The following TRIM14 variants were observed in gnomAD, a reference collection of about 807,000 sequenced individuals.
The protein encoded by TRIM14 is tripartite motif-containing protein 14.
A neutral mutation model predicts 44.5 loss-of-function variants in TRIM14; 28 were observed. The ratio of observed to expected loss-of-function variants is 0.63; its 90% CI spans 0.47 to 0.86. The LOEUF (loss-of-function observed/expected upper bound fraction) is 0.86. Among genes scored for constraint, TRIM14 ranks in the 40% least tolerant of loss-of-function variants. The pLI, the probability that TRIM14 is intolerant of heterozygous loss-of-function variation, is 0.00. For missense variants in TRIM14, 607 were observed against 611.1 expected, an observed-to-expected ratio of 0.99 and a Z score of 0.07; for synonymous variants, 299 against 269.2, an observed-to-expected ratio of 1.11 and a Z score of -1.08.
intron 6 of TRIM14, chr9:98,076,174 A>G (rs1025129479): frequency 1.3e-5 from 2 of 151,978 alleles, no homozygotes; most frequent in East Asian, 3.9e-4. Context: ...AAAATGCTCC[A>G]TTTTCCCCCT....
At chr9:98,043,727 A>G in the TRIM14 span, among the ~76,000 whole-genome samples, 2 of 147,682 alleles carry the variant, frequency 1.4e-5, no homozygotes, top group Non-Finnish European at 1.5e-5. Flanking sequence ...CTGGCTTGCA[A>G]AAAAAAAAAA....
downstream of TRIM14, among the ~76,000 whole-genome samples, chr9:98,080,356 G>A (rs759304025): frequency 5.3e-5 from 8 of 152,078 alleles, no homozygotes; most frequent in African/African-American, 1.2e-4. Flanking sequence ...TATAGATAAC[G>A]GATTAATTAT....
intron 1 of TRIM14, among the ~76,000 whole-genome samples, chr9:98,112,374 T>C (rs1025518307): frequency 5.3e-5 from 8 of 152,174 alleles, no homozygotes; most frequent in African/African-American, 1.7e-4. Flanking sequence ...GGGAAGTAAA[T>C]TTTTGTCCTA....
intron 4 of TRIM14, 47 bp from the exon 5 acceptor site, chr9:98,092,048 G>T: frequency 1.4e-6 from 2 of 1,435,442 alleles, no homozygotes; most frequent in Non-Finnish European, 1.9e-6. Context: ...TATGCAAGCA[G>T]ACAAATAAGA....
At chr9:98,036,428 G>A in the TRIM14 span, among the ~76,000 whole-genome samples, 1 of 148,778 alleles carries the variant, frequency 6.7e-6, no homozygotes, top group African/African-American at 2.5e-5. Flanking sequence ...AGGAATCTGG[G>A]AGGCAGAGGT....
intron 1 of TRIM14, among the ~76,000 whole-genome samples, chr9:98,114,456 C>G (rs7860577): frequency 0.089 from 13,521 of 152,086 alleles, 1,793 homozygotes; most frequent in African/African-American, 0.29. Flanking sequence ...GCCTCAGCCT[C>G]CCAAGTAGCT....
At chr9:98,111,358 A>C (rs1389835240) in intron 1 of TRIM14, among the ~76,000 whole-genome samples, 1 of 152,074 alleles carries the variant, frequency 6.6e-6, no homozygotes, top group Non-Finnish European at 1.5e-5. Flanking sequence ...GGATCACTTA[A>C]GGCCAGGAGT....
chr9:98,065,974 TC>T (rs1234729130), downstream of TRIM14, among the ~76,000 whole-genome samples: 1 of 152,126 alleles, frequency 6.6e-6, no homozygotes, highest in Non-Finnish European at 1.5e-5. Context: ...CTTACAGCCT[TC>T]CCCAGAGTAA....
intron 5 of TRIM14, among the ~76,000 whole-genome samples, chr9:98,090,502 A>G (rs1825953738): frequency 6.7e-6 from 1 of 149,292 alleles, no homozygotes; most frequent in Non-Finnish European, 1.5e-5. Context: ...GTTACAAAAT[A>G]TGTTTCCTTT....
chr9:98,044,599 C>G, the TRIM14 span, among the ~76,000 whole-genome samples: 5 of 152,066 alleles, frequency 3.3e-5, no homozygotes, highest in East Asian at 9.7e-4. Flanking sequence ...GTCTTGATCT[C>G]CTGACCTCGT....
rs1439568753 is a variant in TRIM14, at chr9:98,087,716, G to A, written c.1083C>T (p.Ser361=). The A allele has an allele frequency of 6.3e-7, 1 of 1,594,516 alleles. No homozygotes were observed. The highest frequency in any genetic ancestry group is 1.3e-5 in the African/African-American group (1 of 74,532). Residue 361 remains serine, a synonymous_variant, in exon 6 of 6, where the codon TCC becomes TCT. Coordinates refer to ENST00000341469, the MANE Select transcript of TRIM14 (RefSeq NM_014788.4). ...AAARLGCNRQ[S]WCLKRYDLEY... is the part of the protein sequence containing the mutation. ...CAAGGTCGTAGCGCTTGAGGCACCA[G>A]GACTGGCGGTTGCAGCCCAGGCGGG... is the stretch of plus-strand genomic sequence containing the variant.
downstream of TRIM14, among the ~76,000 whole-genome samples, chr9:98,083,601 T>C (rs1026427409): frequency 6.6e-6 from 1 of 152,250 alleles, no homozygotes; most frequent in Non-Finnish European, 1.5e-5. Context: ...TGGCATGTGT[T>C]CCTTCTCTGA....
chr9:98,094,764 G>T, intron 4 of TRIM14, 103 bp downstream of exon 4: 2 of 1,401,518 alleles, frequency 1.4e-6, no homozygotes, highest in Non-Finnish European at 2.0e-6. Context: ...AAGGGCCTCA[G>T]TGTGGGAGAG....
At chr9:98,047,137 G>A in the TRIM14 span, among the ~76,000 whole-genome samples, 2 of 152,104 alleles carry the variant, frequency 1.3e-5, no homozygotes, top group African/African-American at 4.8e-5. Flanking sequence ...CATGGTGGCG[G>A]TTTCCCCCAT....
At chr9:98,076,187 C>A (rs532118308) in intron 6 of TRIM14, 3 of 152,146 alleles carry the variant, frequency 2.0e-5, no homozygotes, top group African/African-American at 4.8e-5. Context: ...TTCCCCCTTT[C>A]GCCAAGAATT....
chr9:98,078,196 G>T lies in TRIM14; in HGVS notation c.*29-8509C>A, dbSNP rs140402727. 7.4e-5 allele frequency: 120 copies of T among 1,614,132 alleles called. No individual in the cohort carries two copies. The African/African-American group carries it at 1.6e-3, about 21-fold the overall frequency. On this transcript the variant is annotated intron_variant, in intron 6 of 6. Coordinates refer to the TRIM14 transcript ENST00000375098. Reference sequence around the variant, plus strand: ...GTGTTGGTGCTGGATTACTCAGGTCGCCCAATGGTGATCTCCAGTGGGATG... The same window carrying T: ...GTGTTGGTGCTGGATTACTCAGGTCTCCCAATGGTGATCTCCAGTGGGATG...
chr9:98,105,536 G>A (rs1024858226), intron 2 of TRIM14, among the ~76,000 whole-genome samples: 3 of 152,174 alleles, frequency 2.0e-5, no homozygotes, highest in African/African-American at 7.2e-5. Context: ...CTGAGATCAC[G>A]CCACTGTGCT....
At chr9:98,058,449 A>G in the TRIM14 span, among the ~76,000 whole-genome samples, 51 of 152,340 alleles carry the variant, frequency 3.3e-4, no homozygotes, top group Non-Finnish European at 5.9e-4. Context: ...TCACATAGCT[A>G]GTATAATAAA....
At chr9:98,059,795 T>C in the TRIM14 span, among the ~76,000 whole-genome samples, 1 of 152,106 alleles carries the variant, frequency 6.6e-6, no homozygotes, top group Non-Finnish European at 1.5e-5. Context: ...GTAGAAGTCA[T>C]CTAGGGGCTG....
Sources: gnomAD v4.1 joint callset for allele counts (sites outside exome capture counted in the v4.1 genomes callset) on GRCh38, gnomAD v4.1.1 for gene constraint, MANE v1.5 for transcripts, NCBI Gene and HGNC (gene_info 2026-07-23, HGNC 2026-07-21) for gene names.